Variants in RGS6 observed in about 807,000 individuals in gnomAD.
RGS6 encodes regulator of G-protein signaling 6.
RGS6 carries 30 observed loss-of-function variants against 78.5 expected under a neutral mutation model. The ratio of observed to expected loss-of-function variants is 0.38; its 90% CI spans 0.29 to 0.52. The LOEUF is 0.52. Ranked by LOEUF, RGS6 falls within the 20% of genes least tolerant of loss-of-function variation. The pLI, the probability that RGS6 is intolerant of heterozygous loss-of-function variation, is 0.85. For missense variants in RGS6, 495 were observed against 609.7 expected (o/e 0.81, Z 1.98); for synonymous variants, 206 against 206.0 (o/e 1.00, Z 0.00).
chr14:72,507,091 C>G (rs1363975526), intron 13 of RGS6, among the ~76,000 whole-genome samples: 1 of 150,732 alleles, frequency 6.6e-6, no homozygotes. Context: ...ATGGCGTGAA[C>G]CCAGGAGGCG....
the RGS6 span, among the ~76,000 whole-genome samples, chr14:72,601,975 T>C: frequency 6.6e-6 from 1 of 152,246 alleles, no homozygotes; most frequent in Non-Finnish European, 1.5e-5. Flanking sequence ...TGCCACATTC[T>C]CCTCAATTTC....
intron 3 of RGS6, among the ~76,000 whole-genome samples, chr14:72,447,764 A>G (rs887665457): frequency 6.6e-6 from 1 of 152,128 alleles, no homozygotes; most frequent in Non-Finnish European, 1.5e-5. Flanking sequence ...GTGCAGTGGC[A>G]CGATCTCGGC....
intron 2 of RGS6, among the ~76,000 whole-genome samples, chr14:72,060,808 G>A (rs1470265993): frequency 1.3e-5 from 2 of 152,170 alleles, no homozygotes; most frequent in African/African-American, 2.4e-5. Context: ...CCTAAAAAAT[G>A]TAATGTAGTT....
intron 17 of RGS6, among the ~76,000 whole-genome samples, chr14:72,546,196 G>C (rs559519429): frequency 6.6e-6 from 1 of 152,140 alleles, no homozygotes; most frequent in South Asian, 2.1e-4. Context: ...TGAAGTCCGT[G>C]GTTAAGACCA....
At chr14:72,579,631 G>C in the RGS6 span, among the ~76,000 whole-genome samples, 10 of 152,134 alleles carry the variant, frequency 6.6e-5, no homozygotes, top group Non-Finnish European at 1.5e-4. Flanking sequence ...GAGCATCCTG[G>C]GGACTCATCC....
intron 3 of RGS6, among the ~76,000 whole-genome samples, chr14:72,368,709 A>G (rs1034366738): frequency 1.3e-5 from 2 of 152,226 alleles, no homozygotes; most frequent in Non-Finnish European, 1.5e-5. Context: ...CCCAAAGTTA[A>G]TCAGTATTCT....
intron 3 of RGS6, among the ~76,000 whole-genome samples, chr14:72,366,836 C>A (rs1270597689): frequency 1.3e-5 from 2 of 152,148 alleles, no homozygotes; most frequent in African/African-American, 4.8e-5. Flanking sequence ...GCCTGCCAGC[C>A]CCAGGAAAGC....
At chr14:72,418,482 T>C (rs1471535395) in intron 3 of RGS6, among the ~76,000 whole-genome samples, 1 of 152,114 alleles carries the variant, frequency 6.6e-6, no homozygotes, top group East Asian at 1.9e-4. Context: ...CAAAATAAAC[T>C]TCTTTACCAG....
At chr14:72,248,451 ATAT>A (rs1291486594) in intron 2 of RGS6, among the ~76,000 whole-genome samples, 1 of 152,244 alleles carries the variant, frequency 6.6e-6, no homozygotes, top group African/African-American at 2.4e-5. Flanking sequence ...TCATAAACAC[ATAT>A]TTTTTAATTT....
intron 17 of RGS6, among the ~76,000 whole-genome samples, chr14:72,551,444 G>T (rs1174750385): frequency 1.3e-5 from 2 of 152,148 alleles, no homozygotes; most frequent in Non-Finnish European, 2.9e-5. Flanking sequence ...AAAGAGCAAG[G>T]AGCTGGATTG....
At chr14:71,953,216 C>T (rs910890138) in intron 1 of RGS6, among the ~76,000 whole-genome samples, 1 of 152,126 alleles carries the variant, frequency 6.6e-6, no homozygotes, top group African/African-American at 2.4e-5. Context: ...TTGACCTTCC[C>T]AGGTCTTAGT....
chr14:72,314,842 A>G lies in RGS6; in HGVS notation c.85-37253A>G, dbSNP rs2069648885. Among the ~76,000 whole-genome samples the G allele has an allele frequency of 1.3e-5, 2 of 152,236 alleles. 1 individual carries two copies. Among genetic ancestry groups the G allele is most frequent in the South Asian group, 4.1e-4 (2 of 4,834 alleles). On this transcript the variant is annotated intron_variant, in intron 2 of 17. Coordinates refer to ENST00000553525, the MANE Select transcript of RGS6 (RefSeq NM_001204424.2). ...AGAGAACTTTCTACAAGTTATGTAA[A>G]ACAGAGATAATGTGGCTTATAGAAA...
chr14:72,598,852 T>C, the RGS6 span, among the ~76,000 whole-genome samples: 1 of 152,180 alleles, frequency 6.6e-6, no homozygotes, highest in African/African-American at 2.4e-5. Context: ...AGGACTTCGG[T>C]CTCCTCTTCC....
chr14:72,022,377 T>C (rs2088831540), intron 2 of RGS6: 1 of 152,188 alleles, frequency 6.6e-6, no homozygotes, highest in Non-Finnish European at 1.5e-5. Flanking sequence ...ATGGTTGAAC[T>C]AATTTGTTTT....
rs1005074556 is a variant in RGS6, at chr14:72,539,994, T to A, written c.1369-47T>A. 3.3e-6 allele frequency: 5 copies of A among 1,503,114 alleles called. No individual in the cohort carries two copies. In the Admixed American group the frequency reaches 9.5e-5, roughly 29 times the overall value. 93.1% of individuals were successfully genotyped at this position (1,503,114 alleles called of 1,614,324 possible). ...GGGAACCACGTATAAGCTGAAGATT[T>A]TTTTTTTCTGTATTTTTCTCCCTAC... On this transcript the variant is annotated intron_variant, in intron 16 of 17. Transcript: ENST00000553525.
At chr14:72,042,136 T>C (rs1362089545) in intron 2 of RGS6, among the ~76,000 whole-genome samples, 1 of 150,412 alleles carries the variant, frequency 6.6e-6, no homozygotes, top group South Asian at 2.1e-4. Context: ...TTTCTTTTTT[T>C]TTTTTTTTTG....
At position 72,454,592 on chromosome 14, in the gene RGS6, G is replaced by A; in HGVS notation, c.235+14G>A. Reference sequence around the variant, plus strand: ...TTGAGGACCCAGGTACTTGACCTTTGACCCCACCCTTATCTCCCCTGGTAT... The same window carrying A: ...TTGAGGACCCAGGTACTTGACCTTTAACCCCACCCTTATCTCCCCTGGTAT... On this transcript the variant is annotated intron_variant, in intron 4 of 17. Transcript: ENST00000553525. 2 of 1,612,132 alleles carry A rather than the reference G, an allele frequency of 1.2e-6. No homozygotes were observed. Among genetic ancestry groups the A allele is most frequent in the Non-Finnish European group, 1.7e-6 (2 of 1,178,604 alleles).
chr14:72,509,367 GAA>G (rs574286198), intron 13 of RGS6, among the ~76,000 whole-genome samples: 1,254 of 113,430 alleles, frequency 0.011, 21 homozygotes, highest in African/African-American at 0.037. Context: ...TCCATCTCAA[GAA>G]AAAAAAAAAA....
rs111226203 is a variant in RGS6 at position 72,373,308 on chromosome 14, C to T, written c.184+21114C>T. Among the ~76,000 whole-genome samples, 1,267 of 152,182 alleles carry T rather than the reference C, an allele frequency of 8.3e-3. 6 individuals carry two copies. The highest frequency in any genetic ancestry group is 0.021 in the South Asian group (102 of 4,818). ...TTGTTCAAGAAACTGGATATAATAC[C>T]TAGTGACAAAGAGACTAGGACTTCT... On this transcript the variant is annotated intron_variant, in intron 3 of 17. Coordinates refer to ENST00000553525, the MANE Select transcript of RGS6 (RefSeq NM_001204424.2).
Sources: allele counts gnomAD v4.1 joint callset (sites outside exome capture counted in the v4.1 genomes callset), GRCh38; gene constraint gnomAD v4.1.1; transcripts MANE v1.5; gene names NCBI Gene and HGNC (gene_info 2026-07-23, HGNC 2026-07-21).